Variants in SNX1 observed in about 807,000 individuals in gnomAD.
The protein encoded by SNX1 is sorting nexin-1.
A neutral mutation model predicts 71.8 loss-of-function variants in SNX1; 36 were observed. The observed-to-expected ratio is 0.50, with a 90% confidence interval of 0.38 to 0.66. SNX1 has a LOEUF of 0.66. Ranked by LOEUF, SNX1 falls within the 30% of genes least tolerant of loss-of-function variation. The pLI is 0.00. For missense variants in SNX1, 612 were observed against 646.7 expected (o/e 0.95, Z 0.58); for synonymous variants, 254 against 240.7 (o/e 1.06, Z -0.51).
Position 64,142,739 on chromosome 15 carries a change from C to G in SNX1, c.*5121C>G. 4.4e-6 allele frequency: 2 copies of G among 455,798 alleles called. No homozygotes were observed. Among genetic ancestry groups the G allele is most frequent in the Non-Finnish European group, 8.8e-6 (2 of 226,686 alleles). The allele number at this position is 455,798 out of a possible 1,614,324, so 28.2% of individuals were successfully genotyped here. On this transcript the variant is annotated 3_prime_UTR_variant, in exon 15 of 15. Coordinates refer to ENST00000559844, the MANE Select transcript of SNX1 (RefSeq NM_003099.5). The stretch of plus-strand genomic sequence containing the variant: ...GGCTCCGGAGTGCTGAAGATGAGGA[C>G]TGGACTTCGAGCTGGTGTGATCCCA...
chr15:64,131,240 G>A lies in SNX1; in HGVS notation c.1016-447G>A, dbSNP rs1013835769. On this transcript the variant is annotated intron_variant, in intron 10 of 14. Transcript: ENST00000559844. Reference sequence around the variant, plus strand: ...GGAGGTTACAGTGAGCTGAGATGGCGCCACTGCACTCCTTTACACAAAGTT... The same window carrying A: ...GGAGGTTACAGTGAGCTGAGATGGCACCACTGCACTCCTTTACACAAAGTT... Among the ~76,000 whole-genome samples the A allele has an allele frequency of 7.9e-5, 12 of 152,136 alleles. No homozygotes were observed. The East Asian group carries it at 1.9e-3, about 24-fold the overall frequency.
At chr15:64,112,992 G>A (rs994687701) in intron 2 of SNX1, among the ~76,000 whole-genome samples, 1 of 152,172 alleles carries the variant, frequency 6.6e-6, no homozygotes, top group Non-Finnish European at 1.5e-5. Flanking sequence ...TGAGACCAGT[G>A]ACTAAAGCAG....
At chr15:64,130,612 C>T (rs2140157180) in intron 10 of SNX1, among the ~76,000 whole-genome samples, 1 of 152,316 alleles carries the variant, frequency 6.6e-6, no homozygotes, top group East Asian at 1.9e-4. Flanking sequence ...TGATGGCTTA[C>T]ATCCAAAATG....
chr15:64,115,566 T>A (rs1356878927), intron 2 of SNX1: 9 of 210,820 alleles, frequency 4.3e-5, no homozygotes, highest in Non-Finnish European at 9.4e-5. Context: ...CAAAAGGCTT[T>A]TTTTTTTTTT....
At chr15:64,127,081 A>T in intron 6 of SNX1, 93 bp from the exon 7 acceptor site, 2 of 935,742 alleles carry the variant, frequency 2.1e-6, no homozygotes, top group Non-Finnish European at 3.3e-6. Flanking sequence ...TGCTAGCCTC[A>T]CTGCCTTTCC....
intron 12 of SNX1, among the ~76,000 whole-genome samples, chr15:64,136,069 A>G (rs967865564): frequency 2.0e-5 from 3 of 152,208 alleles, no homozygotes; most frequent in African/African-American, 7.2e-5. Flanking sequence ...GGCTGCTGGC[A>G]TGTCAGAGCC....
chr15:64,096,076 G>A lies in SNX1; in HGVS notation c.63G>A (p.Leu21=), dbSNP rs115947230. The change falls in exon 1 of 15, where the codon CTG becomes CTA. Residue 21 remains leucine, a synonymous_variant. Transcript: ENST00000559844. ...GACTGCCTCCGCCCTTCCCCGGCCT[G>A]GAGCCGGAGTCCGAGGGGGCGGCCG... is the stretch of plus-strand genomic sequence containing the variant. ...SERLPPPFPG[L]EPESEGAAGG... 1.3e-3 allele frequency: 2,004 copies of A among 1,579,246 alleles called. 24 individuals are homozygous for A. In the African/African-American group the frequency reaches 0.024, roughly 19 times the overall value.
intron 1 of SNX1, among the ~76,000 whole-genome samples, chr15:64,105,856 A>G (rs2081015545): frequency 6.6e-6 from 1 of 151,594 alleles, no homozygotes; most frequent in South Asian, 2.1e-4. Flanking sequence ...TCCCTTTTCC[A>G]TTTTCATTAG....
At chr15:64,122,814 G>A (rs778016377) in intron 4 of SNX1, among the ~76,000 whole-genome samples, 7 of 152,118 alleles carry the variant, frequency 4.6e-5, no homozygotes, top group Non-Finnish European at 7.4e-5. Context: ...TCTAGGTCAG[G>A]ACATCACCAC....
intron 11 of SNX1, among the ~76,000 whole-genome samples, chr15:64,133,760 T>C (rs527791313): frequency 3.9e-5 from 6 of 152,158 alleles, no homozygotes; most frequent in Non-Finnish European, 8.8e-5. Flanking sequence ...GGGGAACTTT[T>C]GCAGGGCAGT....
At chr15:64,127,317 T>C in intron 7 of SNX1, 65 bp downstream of exon 7, 1 of 1,269,460 alleles carries the variant, frequency 7.9e-7, no homozygotes, top group Non-Finnish European at 1.1e-6. Context: ...AAAGTGAGTC[T>C]AAATGACGAG....
chr15:64,114,068 G>T (rs1353504868), intron 2 of SNX1, among the ~76,000 whole-genome samples: 1 of 152,172 alleles, frequency 6.6e-6, no homozygotes, highest in Non-Finnish European at 1.5e-5. Context: ...AATAATTCGA[G>T]TCTGGATTTT....
chr15:64,105,205 C>T (rs576816154), intron 1 of SNX1, among the ~76,000 whole-genome samples: 26 of 136,276 alleles, frequency 1.9e-4, no homozygotes, highest in East Asian at 1.5e-3. Flanking sequence ...GGGGATACAG[C>T]GAGACTCTGT....
chr15:64,134,641 C>A lies in SNX1; in HGVS notation c.1222-23C>A. 1 of 1,598,638 alleles carries A rather than the reference C, an allele frequency of 6.3e-7. No individual in the cohort carries two copies. Among genetic ancestry groups the A allele is most frequent in the South Asian group, 1.1e-5 (1 of 88,856 alleles). On this transcript the variant is annotated intron_variant, in intron 11 of 14. Coordinates refer to ENST00000559844, the MANE Select transcript of SNX1 (RefSeq NM_003099.5). The surrounding 1 kb of genome is among the most constrained non-coding windows in gnomAD (Gnocchi z 4.1). ...GAGCTCTTGAAGAGCTGGTTGTGCT[C>A]CTCCTCAACCCCACCCCCACAGGCT...
intron 10 of SNX1, 67 bp downstream of exon 10, chr15:64,130,388 G>A: frequency 7.9e-7 from 1 of 1,272,144 alleles, no homozygotes; most frequent in Non-Finnish European, 1.1e-6. Flanking sequence ...GGAGATGCGA[G>A]GGCATGCTGT....
intron 12 of SNX1, among the ~76,000 whole-genome samples, chr15:64,135,591 A>G (rs1335759139): frequency 6.6e-6 from 1 of 151,412 alleles, no homozygotes; most frequent in African/African-American, 2.4e-5. Context: ...CCCCGTCTCT[A>G]CTAAAAAAAA....
chr15:64,135,180 C>T (rs1052247990), intron 12 of SNX1, among the ~76,000 whole-genome samples: 4 of 151,788 alleles, frequency 2.6e-5, no homozygotes, highest in Non-Finnish European at 5.9e-5. Context: ...TGCAGTGGCG[C>T]GATCTCAGCT....
intron 1 of SNX1, among the ~76,000 whole-genome samples, chr15:64,103,388 T>A (rs1301747553): frequency 6.6e-6 from 1 of 152,352 alleles, no homozygotes; most frequent in South Asian, 2.1e-4. Context: ...TTTTTAATAA[T>A]GTCTTTTTTT....
rs542944720 is a variant in SNX1 at position 64,113,689 on chromosome 15, C to T, written c.271+1005C>T. 2.2e-4 allele frequency among the ~76,000 whole-genome samples: 34 copies of T among 152,162 alleles called. 1 individual carries two copies. In the South Asian group the frequency reaches 4.8e-3, roughly 21 times the overall value. The stretch of plus-strand genomic sequence containing the variant: ...ATAAAAAATTAGCTGGATTCCATGG[C>T]GCACACCTGTGCTCCCAGCTACTCA... On this transcript the variant is annotated intron_variant, in intron 2 of 14. Coordinates refer to ENST00000559844, the MANE Select transcript of SNX1 (RefSeq NM_003099.5).
Sources: allele counts gnomAD v4.1 joint callset (sites outside exome capture counted in the v4.1 genomes callset), GRCh38; gene constraint gnomAD v4.1.1; non-coding constraint Gnocchi (gnomAD v3.1); transcripts MANE v1.5; gene names NCBI Gene and HGNC (gene_info 2026-07-23, HGNC 2026-07-21).